Variants in PRR5 observed in about 807,000 individuals in gnomAD.
The protein encoded by PRR5 is proline rich 5.
A neutral mutation model predicts 30.6 loss-of-function variants in PRR5; 25 were observed. That is an observed-to-expected ratio of 0.82 (90% CI 0.60 to 1.14). PRR5 has a LOEUF of 1.14. Among genes scored for constraint, PRR5 ranks in the 50% most tolerant of loss-of-function variants. The pLI, the probability that PRR5 is intolerant of heterozygous loss-of-function variation, is 0.00. For synonymous variants in PRR5, 286 were observed against 247.1 expected, an observed-to-expected ratio of 1.16 and a Z score of -1.48; for missense variants, 600 against 547.1, an observed-to-expected ratio of 1.10 and a Z score of -0.96.
intron 2 of PRR5, among the ~76,000 whole-genome samples, chr22:44,721,510 G>A (rs1037801694): frequency 5.3e-5 from 8 of 152,218 alleles, no homozygotes; most frequent in Non-Finnish European, 1.2e-4. Flanking sequence ...ACCAATTGTG[G>A]TAGGGGACGA....
chr22:44,709,926 C>T (rs1022874576), intron 1 of PRR5, among the ~76,000 whole-genome samples: 3 of 152,152 alleles, frequency 2.0e-5, no homozygotes, highest in African/African-American at 4.8e-5. Flanking sequence ...TTTCAGCCAC[C>T]GAGTTAGGGG....
intron 1 of PRR5, among the ~76,000 whole-genome samples, chr22:44,684,524 G>T (rs1306171088): frequency 1.3e-5 from 2 of 152,216 alleles, no homozygotes; most frequent in Non-Finnish European, 2.9e-5. Flanking sequence ...TCCAGCCTGG[G>T]CAACAGAGCG....
At chr22:44,709,502 C>A (rs914501638) in intron 1 of PRR5, among the ~76,000 whole-genome samples, 2 of 152,076 alleles carry the variant, frequency 1.3e-5, no homozygotes, top group African/African-American at 2.4e-5. Context: ...TCCCCCCGCC[C>A]GAGCCTCCAG....
chr22:44,732,201 G>A lies in PRR5; in HGVS notation c.415-50G>A, dbSNP rs1422450284. ...GTCCCAGGACCGGGAGAGGGGAGAT[G>A]AGGACGCATGTGACCACAGCCGGTG... On this transcript the variant is annotated intron_variant, in intron 5 of 7. Transcript: ENST00000336985. 8 of 1,595,008 alleles carry A rather than the reference G, an allele frequency of 5.0e-6. No homozygotes were observed. In the African/African-American group the frequency reaches 9.5e-5, roughly 19 times the overall value.
intron 1 of PRR5, chr22:44,679,610 GGGA>G (rs1177692886): frequency 1.6e-5 from 8 of 505,330 alleles, no homozygotes; most frequent in Non-Finnish European, 2.5e-5. Flanking sequence ...GGGAGGCTGA[GGGA>G]GGAGAAGCAC....
chr22:44,714,344 T>C (rs866815562), intron 1 of PRR5, among the ~76,000 whole-genome samples: 1 of 152,118 alleles, frequency 6.6e-6, no homozygotes, highest in South Asian at 2.1e-4. Flanking sequence ...GGCCACATAG[T>C]GTGTGCAGAG....
chr22:44,719,074 C>T (rs553158650), intron 2 of PRR5, among the ~76,000 whole-genome samples: 56 of 150,198 alleles, frequency 3.7e-4, no homozygotes, highest in South Asian at 4.3e-4. Flanking sequence ...CAGAAATGAA[C>T]ACACTTTGCA....
At chr22:44,680,885 GGCAGA>G (rs1291767080) in intron 1 of PRR5, among the ~76,000 whole-genome samples, 1 of 152,148 alleles carries the variant, frequency 6.6e-6, no homozygotes, top group East Asian at 1.9e-4. Context: ...GGCAGGGCAG[GGCAGA>G]CCTGGGGCAC....
chr22:44,670,484 A>G (rs1923359343), intron 1 of PRR5, among the ~76,000 whole-genome samples: 1 of 151,940 alleles, frequency 6.6e-6, no homozygotes, highest in Admixed American at 6.5e-5. Context: ...TATTACCCCC[A>G]CTCATCCACC....
At chr22:44,677,845 C>A (rs1222426929) in intron 1 of PRR5, among the ~76,000 whole-genome samples, 2 of 152,246 alleles carry the variant, frequency 1.3e-5, no homozygotes, top group Non-Finnish European at 2.9e-5. Context: ...GCAAGGATCA[C>A]ACCTGTGTCC....
At chr22:44,715,439 C>T (rs555852840) in intron 2 of PRR5, among the ~76,000 whole-genome samples, 3 of 152,346 alleles carry the variant, frequency 2.0e-5, no homozygotes, top group Admixed American at 6.5e-5. Flanking sequence ...GACTTTCATA[C>T]GCAGGCGCCC....
chr22:44,736,275 A>G (rs1267006065), intron 7 of PRR5, among the ~76,000 whole-genome samples: 2 of 152,146 alleles, frequency 1.3e-5, no homozygotes, highest in Non-Finnish European at 2.9e-5. Context: ...TTGACCTTAC[A>G]TGGAGGGCCT....
At position 44,737,203 on chromosome 22, in the gene PRR5, A is replaced by G. The variant is rs763516346; in HGVS notation, c.1123A>G (p.Met375Val). Residue 375 changes from methionine to valine, a missense_variant, in exon 8 of 8, where the codon ATG becomes GTG. Met to Val is a conservative substitution (Grantham distance 21). Coordinates refer to ENST00000336985, the MANE Select transcript of PRR5 (RefSeq NM_181333.4). The part of the protein sequence containing the change: ...IDFGRGRGSG[M>V]SDLEGSGGRQ... ...CTTTGGCCGGGGCCGGGGCTCTGGC[A>G]TGTCCGACTTGGAGGGCTCTGGGGG... 2.5e-6 allele frequency: 4 copies of G among 1,610,734 alleles called. No homozygotes were observed. The highest frequency in any genetic ancestry group is 3.4e-6 in the Non-Finnish European group (4 of 1,178,460).
chr22:44,716,524 GT>G (rs1929077115), intron 2 of PRR5, among the ~76,000 whole-genome samples: 1 of 152,082 alleles, frequency 6.6e-6, no homozygotes, highest in Non-Finnish European at 1.5e-5. Flanking sequence ...ATGTGTTAAC[GT>G]TTTTTAAAAG....
intron 1 of PRR5, among the ~76,000 whole-genome samples, chr22:44,712,199 C>A (rs765337656): frequency 6.6e-6 from 1 of 152,160 alleles, no homozygotes; most frequent in Non-Finnish European, 1.5e-5. Flanking sequence ...GAGCCCGTGT[C>A]CCCAGACACG....
Position 44,693,795 on chromosome 22 carries a change from A to ATTTTTTTTT in PRR5, c.-10-8685_-10-8677dup, listed in dbSNP as rs61604082. 9.6e-3 allele frequency among the ~76,000 whole-genome samples: 760 copies of ATTTTTTTTT among 79,406 alleles called. 32 individuals carry two copies. The highest frequency in any genetic ancestry group is 0.028 in the African/African-American group (511 of 18,400). 52.1% of individuals were successfully genotyped at this position (79,406 alleles called of 152,430 possible). On this transcript the variant is annotated intron_variant, in intron 1 of 8. Transcript: ENST00000006251. ...CAGGCGCCTGCCACCACACTCGGCTATTTTTTTTTTTTTTTTTTTTGTATT... is the reference window on the plus strand; with the variant it reads ...CAGGCGCCTGCCACCACACTCGGCTATTTTTTTTTTTTTTTTTTTTTTTTTTTTTGTATT...
At chr22:44,731,896 GGCC>G in intron 5 of PRR5, 75 bp downstream of exon 5, 1 of 1,463,982 alleles carries the variant, frequency 6.8e-7, no homozygotes, top group Non-Finnish European at 9.3e-7. Flanking sequence ...TACAGAGGGG[GGCC>G]GCCAGGCTTG....
At chr22:44,692,455 C>T (rs918989246) in intron 1 of PRR5, among the ~76,000 whole-genome samples, 4 of 137,076 alleles carry the variant, frequency 2.9e-5, no homozygotes, top group African/African-American at 1.0e-4. Context: ...GCTCCTCCAC[C>T]GGGGGAAATT....
rs188378431 is a variant in PRR5, at chr22:44,702,227, T to G, written c.-248T>G. On this transcript the variant is annotated 5_prime_UTR_variant, in exon 1 of 8. Transcript: ENST00000336985. ...CCGGCCTCCGTTTGCGCCGGGTCTG[T>G]GCTGGCCGCGCGCCTGGCGCTCCAC... 66,670 of 1,103,772 alleles carry G rather than the reference T, an allele frequency of 0.06. 2,811 individuals are homozygous for G. Among genetic ancestry groups the G allele is most frequent in the African/African-American group, 0.21 (12,533 of 59,666 alleles). The allele number at this position is 1,103,772 out of a possible 1,614,324, so 68.4% of individuals were successfully genotyped here.
Sources: gnomAD v4.1 joint callset for allele counts (sites outside exome capture counted in the v4.1 genomes callset) on GRCh38, gnomAD v4.1.1 for gene constraint, MANE v1.5 for transcripts, NCBI Gene and HGNC (gene_info 2026-07-23, HGNC 2026-07-21) for gene names.